The following JAKMIP1 variants were observed in gnomAD, a reference collection of about 807,000 sequenced individuals.
JAKMIP1 encodes janus kinase and microtubule interacting protein 1, also known as janus kinase and microtubule-interacting protein 1.
JAKMIP1 carries 33 observed loss-of-function variants against 113.0 expected under a neutral mutation model. That is an observed-to-expected ratio of 0.29 (90% CI 0.22 to 0.39). JAKMIP1 has a LOEUF of 0.39. JAKMIP1 is among the 10% of genes least tolerant of loss of function. The pLI is 1.00. For synonymous variants in JAKMIP1, 480 were observed against 459.9 expected (o/e 1.04, Z -0.56); for missense variants, 813 against 1,080.5 (o/e 0.75, Z 3.47).
At chr4:6,085,697 G>A (rs977625886) in intron 3 of JAKMIP1, 68 bp from the exon 4 acceptor site, 2 of 1,465,544 alleles carry the variant, frequency 1.4e-6, no homozygotes, top group Non-Finnish European at 1.9e-6. Context: ...TCCCCAAATT[G>A]GGGCCTTCGG....
At position 6,129,426 on chromosome 4, in the gene JAKMIP1, T is replaced by C. The variant is rs957650637; in HGVS notation, c.-147-16429A>G. 6.6e-6 allele frequency among the ~76,000 whole-genome samples: 1 copy of C among 152,186 alleles called. No individual in the cohort carries two copies. The highest frequency in any genetic ancestry group is 2.4e-5 in the African/African-American group (1 of 41,454). ...CTTGGATAAACAAAGCCATGAGTGT[T>C]TGATCTCTATGATCTACAAGGTTTG... On this transcript the variant is annotated intron_variant, in intron 1 of 20. Coordinates refer to ENST00000409021, the MANE Select transcript of JAKMIP1 (RefSeq NM_001099433.2). The surrounding 1 kb of genome is among the most constrained non-coding windows in gnomAD (Gnocchi z 5.4).
chr4:6,088,309 C>T lies in JAKMIP1; in HGVS notation c.625-2680G>A, dbSNP rs1415762068. 6.6e-5 allele frequency among the ~76,000 whole-genome samples: 10 copies of T among 152,292 alleles called. No individual in the cohort carries two copies. The highest frequency in any genetic ancestry group is 2.6e-4 in the Admixed American group (4 of 15,300). Reference sequence around the variant, plus strand: ...ATAACAACATCAAAGCAAAGGAAATCGGTAGGGGCAGTGGAGGGTGTTGCA... The same window carrying T: ...ATAACAACATCAAAGCAAAGGAAATTGGTAGGGGCAGTGGAGGGTGTTGCA... On this transcript the variant is annotated intron_variant, in intron 3 of 20. Coordinates refer to ENST00000409021, the MANE Select transcript of JAKMIP1 (RefSeq NM_001099433.2). The surrounding 1 kb of genome is among the most constrained non-coding windows in gnomAD (Gnocchi z 5.5).
Position 6,080,874 on chromosome 4 carries a change from C to A in JAKMIP1, c.1102-562G>T, listed in dbSNP as rs1720415007. ...AAGGTGGGGCTGACCATGCACACTG[C>A]TGACAGGAAGGGATGCGCAGGGCCT... On this transcript the variant is annotated intron_variant, in intron 6 of 20. Transcript: ENST00000409021. The surrounding 1 kb of genome is among the most constrained non-coding windows in gnomAD (Gnocchi z 6.0). Among the ~76,000 whole-genome samples the A allele has an allele frequency of 6.6e-6, 1 of 152,040 alleles. No individual in the cohort carries two copies. Among genetic ancestry groups the A allele is most frequent in the South Asian group, 2.1e-4 (1 of 4,820 alleles).
In JAKMIP1 at chr4:6,081,501, G is replaced by A; in HGVS notation, c.1101+108C>T. On this transcript the variant is annotated intron_variant, in intron 6 of 20. Transcript: ENST00000409021. This position sits in a 1 kb window ranked among gnomAD's most constrained non-coding sequence, Gnocchi z 4.6. ...ACTGTGCCTGGTGCTTTGTGGGGAGGTGGGCAGCAGGTGCGCCCCAGAACA... is the reference window on the plus strand; with the variant it reads ...ACTGTGCCTGGTGCTTTGTGGGGAGATGGGCAGCAGGTGCGCCCCAGAACA... The A allele has an allele frequency of 2.5e-6, 3 of 1,217,828 alleles. No homozygotes were observed. The highest frequency in any genetic ancestry group is 3.8e-5 in the Admixed American group (2 of 52,072). The allele number at this position is 1,217,828 out of a possible 1,614,324, so 75.4% of individuals were successfully genotyped here. A position where few individuals can be genotyped will look rare whatever the true frequency, so the allele number is the denominator to read the frequency against.
At chr4:6,078,677 G>A (rs1301067945) in intron 8 of JAKMIP1, among the ~76,000 whole-genome samples, 1 of 151,950 alleles carries the variant, frequency 6.6e-6, no homozygotes, top group Non-Finnish European at 1.5e-5. Flanking sequence ...TTTTAATTTT[G>A]GGTGAATATA....
intron 1 of JAKMIP1, among the ~76,000 whole-genome samples, chr4:6,147,867 T>C (rs951039268): frequency 2.0e-5 from 3 of 152,232 alleles, no homozygotes; most frequent in Non-Finnish European, 4.4e-5. Context: ...ATCAGACTTG[T>C]TCCCATCCAA....
chr4:6,184,617 CG>C lies in JAKMIP1; in HGVS notation c.-148+15635del, dbSNP rs1409575223. Among the ~76,000 whole-genome samples the C allele has an allele frequency of 6.6e-6, 1 of 152,194 alleles. No homozygotes were observed. The highest frequency in any genetic ancestry group is 1.5e-5 in the Non-Finnish European group (1 of 68,044). ...CACTCTAGGAAACAAGGGTCCCCCG[CG>C]CTCACCTGTAGATTCAGCAAGAGAG... is the stretch of plus-strand genomic sequence containing the variant. On this transcript the variant is annotated intron_variant, in intron 1 of 20. Coordinates refer to ENST00000409021, the MANE Select transcript of JAKMIP1 (RefSeq NM_001099433.2). This position sits in a 1 kb window ranked among gnomAD's most constrained non-coding sequence, Gnocchi z 4.5.
In JAKMIP1 at chr4:6,168,039, C is replaced by A. The variant is rs537474555; in HGVS notation, c.-148+32214G>T. Among the ~76,000 whole-genome samples, 1 of 152,196 alleles carries A rather than the reference C, an allele frequency of 6.6e-6. No individual in the cohort carries two copies. The highest frequency in any genetic ancestry group is 1.5e-5 in the Non-Finnish European group (1 of 68,044). On this transcript the variant is annotated intron_variant, in intron 1 of 20. Coordinates refer to ENST00000409021, the MANE Select transcript of JAKMIP1 (RefSeq NM_001099433.2). The surrounding 1 kb of genome is among the most constrained non-coding windows in gnomAD (Gnocchi z 4.6). The stretch of plus-strand genomic sequence containing the variant: ...AATGGCCAAGGAGCACCTGAAGAGA[C>A]GCTCAACGTCATCAGCCCTCAGGGT...
intron 19 of JAKMIP1, among the ~76,000 whole-genome samples, chr4:6,033,058 C>G (rs988823320): frequency 6.6e-6 from 1 of 152,228 alleles, no homozygotes; most frequent in Admixed American, 6.5e-5. Context: ...TTCACTCCAA[C>G]CTTCACTCAG....
Position 6,069,224 on chromosome 4 carries a change from T to A in JAKMIP1, c.1303-4216A>T, listed in dbSNP as rs1718597293. ...GTCATGACTGGCACACAGTGGGCTT[T>A]AAAAAAAATGGCAAACATGAAAGAA... On this transcript the variant is annotated intron_variant, in intron 8 of 20. Transcript: ENST00000409021. The surrounding 1 kb of genome is among the most constrained non-coding windows in gnomAD (Gnocchi z 4.5). Among the ~76,000 whole-genome samples, 1 of 151,920 alleles carries A rather than the reference T, an allele frequency of 6.6e-6. No homozygotes were observed. The highest frequency in any genetic ancestry group is 2.4e-5 in the African/African-American group (1 of 41,372).
chr4:6,105,631 G>T lies in JAKMIP1; in HGVS notation c.466C>A (p.Leu156Met). ...GERLRLQQEI[L>M]ELKAARKQAE... Reference sequence around the variant, plus strand: ...TGCTTGCGCGCTGCCTTGAGCTCCAGGATCTCCTGCTGCAGCCGCAGGCGC... The same window carrying T: ...TGCTTGCGCGCTGCCTTGAGCTCCATGATCTCCTGCTGCAGCCGCAGGCGC... Residue 156 changes from leucine to methionine, a missense_variant, in exon 3 of 21, where the codon CTG becomes ATG. Around this residue, in one of 2 missense-constraint regions of JAKMIP1, gnomAD observed 540 missense variants for 653.9 expected, o/e 0.83. Coordinates refer to ENST00000409021, the MANE Select transcript of JAKMIP1 (RefSeq NM_001099433.2). 6.3e-7 allele frequency: 1 copy of T among 1,595,172 alleles called. No homozygotes were observed.
At position 6,086,418 on chromosome 4, in the gene JAKMIP1, C is replaced by G. The variant is rs1401622345; in HGVS notation, c.625-789G>C. Among the ~76,000 whole-genome samples, 1 of 151,944 alleles carries G rather than the reference C, an allele frequency of 6.6e-6. No homozygotes were observed. The highest frequency in any genetic ancestry group is 1.5e-5 in the Non-Finnish European group (1 of 68,012). ...CACAGAACCAGCTGGCTGCCTGACACCTCTGCTTGGATCTCGGAGGGACCA... is the reference window on the plus strand; with the variant it reads ...CACAGAACCAGCTGGCTGCCTGACAGCTCTGCTTGGATCTCGGAGGGACCA... On this transcript the variant is annotated intron_variant, in intron 3 of 20. Transcript: ENST00000409021. The surrounding 1 kb of genome is among the most constrained non-coding windows in gnomAD (Gnocchi z 4.1).
rs1157338138 is a variant in JAKMIP1 at position 6,183,308 on chromosome 4, G to A, written c.-148+16945C>T. On this transcript the variant is annotated intron_variant, in intron 1 of 20. Transcript: ENST00000409021. This position sits in a 1 kb window ranked among gnomAD's most constrained non-coding sequence, Gnocchi z 5.3. Reference sequence around the variant, plus strand: ...AGTCTGGCCAACATGGTGAAACTCCGTCTGTACTAAAAATACAAAAATTAG... The same window carrying A: ...AGTCTGGCCAACATGGTGAAACTCCATCTGTACTAAAAATACAAAAATTAG... Among the ~76,000 whole-genome samples, 8 of 151,762 alleles carry A rather than the reference G, an allele frequency of 5.3e-5. No individual in the cohort carries two copies. Among genetic ancestry groups the A allele is most frequent in the African/African-American group, 1.5e-4 (6 of 41,306 alleles).
rs146613809 is a variant in JAKMIP1, at chr4:6,100,197, C to A, written c.624+5276G>T. The stretch of plus-strand genomic sequence containing the variant: ...GCCATCATTATAATCTGTTTCAGAA[C>A]CTTCCTCGCCCAGTAAGGTCCCTCA... On this transcript the variant is annotated intron_variant, in intron 3 of 20. Coordinates refer to ENST00000409021, the MANE Select transcript of JAKMIP1 (RefSeq NM_001099433.2). Among the ~76,000 whole-genome samples the A allele has an allele frequency of 8.7e-4, 132 of 152,308 alleles. 1 individual carries two copies. The East Asian group carries it at 0.022, about 25-fold the overall frequency.
rs1006356998 is a variant in JAKMIP1 at position 6,141,894 on chromosome 4, C to T, written c.-147-28897G>A. ...GAGAGGCGCTTACGCTTCCTAAGGG[C>T]GTTAACCGTCTCTCTCTCATTTTAA... is the stretch of plus-strand genomic sequence containing the variant. On this transcript the variant is annotated intron_variant, in intron 1 of 20. Transcript: ENST00000409021. This position sits in a 1 kb window ranked among gnomAD's most constrained non-coding sequence, Gnocchi z 9.4. Among the ~76,000 whole-genome samples, 4 of 152,130 alleles carry T rather than the reference C, an allele frequency of 2.6e-5. No individual in the cohort carries two copies. The highest frequency in any genetic ancestry group is 6.5e-5 in the Admixed American group (1 of 15,282).
intron 1 of JAKMIP1, among the ~76,000 whole-genome samples, chr4:6,196,799 T>G (rs1727893694): frequency 6.6e-6 from 1 of 151,528 alleles, no homozygotes; most frequent in African/African-American, 2.4e-5. Flanking sequence ...AGGCGGATGT[T>G]GCAGTGAGCC....
At chr4:6,068,547 A>C (rs1009231509) in intron 8 of JAKMIP1, among the ~76,000 whole-genome samples, 26 of 133,534 alleles carry the variant, frequency 1.9e-4, no homozygotes, top group Non-Finnish European at 2.5e-4. Flanking sequence ...GTATTTTTAA[A>C]AATTTTTTAA....
rs140941222 is a variant in JAKMIP1 at position 6,029,571 on chromosome 4, C to T, written c.2445+145G>A. On this transcript the variant is annotated intron_variant, in intron 20 of 20. Transcript: ENST00000409021. Reference sequence around the variant, plus strand: ...GGAATTTTGAGGAACTAGCGATTTCCATGAGATGCTGATTTAGGGGAAGAA... The same window carrying T: ...GGAATTTTGAGGAACTAGCGATTTCTATGAGATGCTGATTTAGGGGAAGAA... 532 of 631,680 alleles carry T rather than the reference C, an allele frequency of 8.4e-4. 3 individuals carry two copies. The African/African-American group carries it at 9.0e-3, about 11-fold the overall frequency. 39.1% of individuals were successfully genotyped at this position (631,680 alleles called of 1,614,324 possible).
intron 1 of JAKMIP1, among the ~76,000 whole-genome samples, chr4:6,172,335 G>A (rs1295513654): frequency 6.6e-6 from 1 of 152,196 alleles, no homozygotes; most frequent in Non-Finnish European, 1.5e-5. Flanking sequence ...CAGACGATCT[G>A]CAGATAACAT....
Sources: gnomAD v4.1 joint callset for allele counts (sites outside exome capture counted in the v4.1 genomes callset) on GRCh38, gnomAD v4.1.1 for gene constraint, gnomAD v4.1.1 regional missense constraint, Gnocchi (gnomAD v3.1) non-coding constraint, MANE v1.5 for transcripts, NCBI Gene and HGNC (gene_info 2026-07-23, HGNC 2026-07-21) for gene names.